Variants in CSMD3 observed in about 807,000 individuals in gnomAD.
CSMD3 encodes CUB and sushi domain-containing protein 3.
Under a neutral mutation model 435.2 loss-of-function variants are expected in CSMD3, and 177 were observed. The observed-to-expected ratio is 0.41, with a 90% confidence interval of 0.36 to 0.46. CSMD3 has a LOEUF of 0.46. Ranked by LOEUF, CSMD3 falls within the 20% of genes least tolerant of loss-of-function variation. The pLI is 0.34. For synonymous variants in CSMD3, 1,656 were observed against 1,520.5 expected, an observed-to-expected ratio of 1.09 and a Z score of -2.07; for missense variants, 4,265 against 4,504.6, an observed-to-expected ratio of 0.95 and a Z score of 1.52.
Position 112,341,589 on chromosome 8 carries a change from C to A in CSMD3, c.6540G>T (p.Arg2180=), listed in dbSNP as rs2130992505. 6.2e-7 allele frequency: 1 copy of A among 1,612,378 alleles called. No individual in the cohort carries two copies. Among genetic ancestry groups the A allele is most frequent in the South Asian group, 1.1e-5 (1 of 91,052 alleles). The part of the protein sequence containing the change: ...GSSETSTVIG[R]LSGPQIPSSL... ...AAGATGGTATTTGAGGACCACTAAG[C>A]CGGCCAATAACAGTACTAGTTTCTG... The change falls in exon 42 of 71, where the codon CGG becomes CGT. Residue 2180 remains arginine, a synonymous_variant. Coordinates refer to ENST00000297405, the MANE Select transcript of CSMD3 (RefSeq NM_198123.2).
At chr8:113,420,559 T>G (rs2094604481) in intron 1 of CSMD3, among the ~76,000 whole-genome samples, 1 of 151,982 alleles carries the variant, frequency 6.6e-6, no homozygotes, top group Admixed American at 6.6e-5. Flanking sequence ...ACAATTTTAT[T>G]CCTAGAAAAA....
intron 22 of CSMD3, among the ~76,000 whole-genome samples, chr8:112,601,312 G>C (rs1206038439): frequency 6.6e-6 from 1 of 151,904 alleles, no homozygotes; most frequent in African/African-American, 2.4e-5. Flanking sequence ...GTGTTTTGGA[G>C]GATAAATTTA....
At chr8:112,886,945 G>T (rs1406041744) in intron 10 of CSMD3, among the ~76,000 whole-genome samples, 1 of 150,978 alleles carries the variant, frequency 6.6e-6, no homozygotes, top group African/African-American at 2.4e-5. Flanking sequence ...TTGATCCATG[G>T]TTGGTTGAAC....
chr8:113,109,623 G>T (rs1229768122), intron 4 of CSMD3, among the ~76,000 whole-genome samples: 3 of 152,118 alleles, frequency 2.0e-5, no homozygotes, highest in Non-Finnish European at 4.4e-5. Flanking sequence ...GGTTCCTAAG[G>T]CTTCAAGCAG....
chr8:112,408,841 T>A, intron 33 of CSMD3, 78 bp downstream of exon 33: 2 of 1,608,394 alleles, frequency 1.2e-6, no homozygotes, highest in South Asian at 1.1e-5. Flanking sequence ...ATGATATAAA[T>A]CTCAACTTTC....
intron 13 of CSMD3, among the ~76,000 whole-genome samples, chr8:112,752,143 A>G (rs2077584692): frequency 6.6e-6 from 1 of 152,138 alleles, no homozygotes; most frequent in Admixed American, 6.6e-5. Context: ...GCCCTAACAC[A>G]CTATTTAACC....
intron 13 of CSMD3, among the ~76,000 whole-genome samples, chr8:112,758,288 G>A (rs1421184707): frequency 6.6e-6 from 1 of 151,474 alleles, no homozygotes; most frequent in African/African-American, 2.4e-5. Flanking sequence ...GGAGGTGGAG[G>A]CTGCAGTGAG....
intron 1 of CSMD3, among the ~76,000 whole-genome samples, chr8:113,334,277 G>GTT (rs199620801): frequency 0.017 from 1,373 of 78,704 alleles, 23 homozygotes; most frequent in African/African-American, 0.039. Context: ...GATAGTTTAA[G>GTT]TTTTTTTTTT....
chr8:113,123,135 T>A (rs1275319798), intron 4 of CSMD3, among the ~76,000 whole-genome samples: 1 of 152,074 alleles, frequency 6.6e-6, no homozygotes, highest in Non-Finnish European at 1.5e-5. Flanking sequence ...TTCCAAGGTA[T>A]GGTTAGTGGC....
At chr8:113,257,978 C>G (rs1375701313) in intron 3 of CSMD3, among the ~76,000 whole-genome samples, 1 of 152,124 alleles carries the variant, frequency 6.6e-6, no homozygotes, top group African/African-American at 2.4e-5. Flanking sequence ...ACTCTGAATG[C>G]AGCTGGAAAA....
At chr8:112,746,786 A>T (rs912632115) in intron 13 of CSMD3, among the ~76,000 whole-genome samples, 1 of 152,208 alleles carries the variant, frequency 6.6e-6, no homozygotes, top group Admixed American at 6.5e-5. Flanking sequence ...TGTATCTGAC[A>T]ATATAATTCA....
At chr8:112,966,556 G>A (rs1055745836) in intron 7 of CSMD3, among the ~76,000 whole-genome samples, 4 of 150,752 alleles carry the variant, frequency 2.7e-5, no homozygotes, top group Admixed American at 2.0e-4. Context: ...GGTAAGTAAA[G>A]GGAAACTAAA....
intron 32 of CSMD3, among the ~76,000 whole-genome samples, chr8:112,410,592 A>ATATATATATGTGTATATATATATATG (rs1832263548): frequency 9.3e-6 from 1 of 108,014 alleles, no homozygotes; most frequent in African/African-American, 3.6e-5. Flanking sequence ...ATACATATGT[A>ATATATATATGTGTATATATATATATG]TATATATATG....
chr8:112,661,766 C>G (rs1294661454), intron 17 of CSMD3, among the ~76,000 whole-genome samples: 3 of 151,762 alleles, frequency 2.0e-5, no homozygotes, highest in African/African-American at 7.3e-5. Flanking sequence ...TTTCAGTCAG[C>G]TAGAAGGTGG....
chr8:112,796,776 A>G (rs916161607), intron 13 of CSMD3, among the ~76,000 whole-genome samples: 7 of 151,996 alleles, frequency 4.6e-5, no homozygotes, highest in Non-Finnish European at 8.8e-5. Flanking sequence ...ATCTTAAATA[A>G]TAGTTTTGGC....
At chr8:112,363,043 G>C (rs943569054) in intron 38 of CSMD3, among the ~76,000 whole-genome samples, 1 of 152,012 alleles carries the variant, frequency 6.6e-6, no homozygotes, top group African/African-American at 2.4e-5. Context: ...AACTTTCTGT[G>C]TTTAATGCAG....
intron 10 of CSMD3, among the ~76,000 whole-genome samples, chr8:112,894,541 A>G (rs1021218244): frequency 3.3e-5 from 5 of 151,458 alleles, no homozygotes; most frequent in African/African-American, 9.7e-5. Flanking sequence ...TCTCATCTCA[A>G]TAGAAAATGA....
chr8:113,201,436 T>C (rs536108194), intron 3 of CSMD3, among the ~76,000 whole-genome samples: 10 of 152,122 alleles, frequency 6.6e-5, no homozygotes, highest in Admixed American at 3.9e-4. Context: ...CTTATGTGAG[T>C]CAGAATGACA....
rs747897723 is a variant in CSMD3 at position 112,685,745 on chromosome 8, G to C, written c.2156-13C>G. On this transcript the variant is annotated splice_polypyrimidine_tract_variant and intron_variant, in intron 14 of 70. Transcript: ENST00000297405. ...GACAGGCAGGGAACTGGTGAAACAG[G>C]AAGATTATGAAATACAATAAATATT... 5.4e-6 allele frequency: 8 copies of C among 1,485,282 alleles called. No homozygotes were observed. The highest frequency in any genetic ancestry group is 7.5e-6 in the Non-Finnish European group (8 of 1,064,080). The allele number at this position is 1,485,282 out of a possible 1,614,324, so 92.0% of individuals were successfully genotyped here.
Sources: gnomAD v4.1 joint callset for allele counts (sites outside exome capture counted in the v4.1 genomes callset) on GRCh38, gnomAD v4.1.1 for gene constraint, MANE v1.5 for transcripts, NCBI Gene and HGNC (gene_info 2026-07-23, HGNC 2026-07-21) for gene names.